The following KLRD1 variants were observed in gnomAD, a reference collection of about 807,000 sequenced individuals.
The protein encoded by KLRD1 is natural killer cells antigen CD94.
In KLRD1, 21 loss-of-function variants were observed where a neutral mutation model predicts 22.6. The observed-to-expected ratio is 0.93, with a 90% CI of 0.66 to 1.34. The LOEUF is 1.34. KLRD1 is among the 40% of genes most tolerant of loss of function. The pLI, the probability that KLRD1 is intolerant of heterozygous loss-of-function variation, is 0.00. For missense variants in KLRD1, 183 were observed against 208.6 expected (o/e 0.88, Z 0.76); for synonymous variants, 59 against 71.1 (o/e 0.83, Z 0.85).
At position 10,314,774 on chromosome 12, in the gene KLRD1, G is replaced by GT. The variant is rs1392963538; in HGVS notation, c.522dup (p.Lys175Ter). ...TGTGAAGATAAAAATCGTTATATCT[G>GT]TAAGCAACAGCTCATTTAAATGTTT... On this transcript the variant is annotated frameshift_variant, in exon 6 of 6. Coordinates refer to ENST00000336164, the MANE Select transcript of KLRD1 (RefSeq NM_002262.5). LOFTEE classifies it high-confidence loss of function. The GT allele has an allele frequency of 3.1e-6, 5 of 1,606,044 alleles. No individual in the cohort carries two copies. In the African/African-American group the frequency reaches 6.7e-5, roughly 22 times the overall value.
intron 1 of KLRD1, among the ~76,000 whole-genome samples, chr12:10,287,436 A>T (rs1165044000): frequency 6.6e-6 from 1 of 152,224 alleles, no homozygotes; most frequent in African/African-American, 2.4e-5. Flanking sequence ...TTATACAAAT[A>T]ATGAGAGCAT....
At chr12:10,277,882 A>G (rs1017695710) in intron 1 of KLRD1, among the ~76,000 whole-genome samples, 1 of 152,234 alleles carries the variant, frequency 6.6e-6, no homozygotes, top group African/African-American at 2.4e-5. Flanking sequence ...GAGAATGTGG[A>G]CATCTGTATT....
intron 1 of KLRD1, among the ~76,000 whole-genome samples, chr12:10,258,210 T>TGTA (rs1396244153): frequency 2.0e-5 from 3 of 151,618 alleles, no homozygotes; most frequent in Non-Finnish European, 4.4e-5. Context: ...ATTTCTTTTC[T>TGTA]GTAGTACAAT....
At chr12:10,281,580 C>G (rs1215241695) in intron 1 of KLRD1, among the ~76,000 whole-genome samples, 6 of 152,090 alleles carry the variant, frequency 3.9e-5, no homozygotes, top group Non-Finnish European at 7.3e-5. Context: ...GGGATGTATC[C>G]AAGAACCCCC....
chr12:10,298,101 C>T (rs926854156), intron 1 of KLRD1, among the ~76,000 whole-genome samples: 1 of 152,082 alleles, frequency 6.6e-6, no homozygotes, highest in Non-Finnish European at 1.5e-5. Context: ...TCTAATAGTA[C>T]ATTTCAGGTG....
intron 1 of KLRD1, among the ~76,000 whole-genome samples, chr12:10,271,422 A>C (rs1371541977): frequency 6.6e-6 from 1 of 152,226 alleles, no homozygotes; most frequent in Non-Finnish European, 1.5e-5. Context: ...TTAACAGAGC[A>C]CTGTAGGTTA....
chr12:10,297,981 T>A (rs1949836611), intron 1 of KLRD1, among the ~76,000 whole-genome samples: 1 of 152,228 alleles, frequency 6.6e-6, no homozygotes, highest in Non-Finnish European at 1.5e-5. Context: ...CCCTGATCAA[T>A]CCAGAAAACA....
chr12:10,256,437 TTTTTTG>T (rs1949396401), intron 1 of KLRD1, among the ~76,000 whole-genome samples: 4 of 106,068 alleles, frequency 3.8e-5, no homozygotes, highest in Non-Finnish European at 6.5e-5. Context: ...TTTTTTTTTT[TTTTTTG>T]TAGAGACACA....
At chr12:10,290,830 CAT>C (rs138070991) in intron 1 of KLRD1, among the ~76,000 whole-genome samples, 7 of 151,418 alleles carry the variant, frequency 4.6e-5, no homozygotes, top group Non-Finnish European at 7.4e-5. Flanking sequence ...CATAAAATGA[CAT>C]ATATATATAT....
At chr12:10,261,667 G>A (rs1949455485) in intron 1 of KLRD1, among the ~76,000 whole-genome samples, 3 of 152,094 alleles carry the variant, frequency 2.0e-5, no homozygotes, top group Admixed American at 2.0e-4. Flanking sequence ...AAAGCATAAT[G>A]ACTATGTTCC....
chr12:10,243,607 C>CAAAAAAA (rs34864670), intron 1 of KLRD1, among the ~76,000 whole-genome samples: 2 of 28,804 alleles, frequency 6.9e-5, no homozygotes, highest in African/African-American at 4.1e-4. Context: ...AGTGAGACTC[C>CAAAAAAA]AAAAAAAAAA....
At chr12:10,309,140 CT>C in intron 1 of KLRD1, 1 of 334,420 alleles carries the variant, frequency 3.0e-6, no homozygotes, top group Non-Finnish European at 5.4e-6. Flanking sequence ...GGTAAATTCA[CT>C]TTACTGCAAC....
At chr12:10,312,819 C>G (rs1950121006) in intron 4 of KLRD1, among the ~76,000 whole-genome samples, 1 of 151,252 alleles carries the variant, frequency 6.6e-6, no homozygotes, top group African/African-American at 2.4e-5. Context: ...AACCACGTCT[C>G]TACTAAAAAT....
chr12:10,309,495 G>A lies in KLRD1; in HGVS notation c.100+15G>A, dbSNP rs1312685596. 7.2e-7 allele frequency: 1 copy of A among 1,379,324 alleles called. No individual in the cohort carries two copies. The highest frequency in any genetic ancestry group is 1.0e-6 in the Non-Finnish European group (1 of 966,212). The allele number at this position is 1,379,324 out of a possible 1,614,324, so 85.4% of individuals were successfully genotyped here. ...GTTGAAAAATTGTAAGTTTTTCTAA[G>A]CAAGTCTCCATAAAAATCAAAACTG... is the stretch of plus-strand genomic sequence containing the variant. On this transcript the variant is annotated intron_variant, in intron 2 of 5. Coordinates refer to ENST00000336164, the MANE Select transcript of KLRD1 (RefSeq NM_002262.5).
rs1407332448 is a variant in KLRD1 at position 10,321,952 on chromosome 12, T to G, written c.*7159T>G. 6.6e-6 allele frequency: 1 copy of G among 152,232 alleles called. No homozygotes were observed. Among genetic ancestry groups the G allele is most frequent in the Non-Finnish European group, 1.5e-5 (1 of 68,056 alleles). 9.4% of individuals were successfully genotyped at this position (152,232 alleles called of 1,614,324 possible). A position where few individuals can be genotyped will look rare whatever the true frequency, so the allele number is the denominator to read the frequency against. ...CCTCAGAAACTGTGAAGTGAAATAT[T>G]TTGTTGTTTTAAGCTTACGAGTTTG... On this transcript the variant is annotated 3_prime_UTR_variant, in exon 6 of 6. Coordinates refer to ENST00000336164, the MANE Select transcript of KLRD1 (RefSeq NM_002262.5).
At chr12:10,290,057 G>A (rs1398681512) in intron 1 of KLRD1, among the ~76,000 whole-genome samples, 3 of 152,174 alleles carry the variant, frequency 2.0e-5, no homozygotes, top group East Asian at 1.9e-4. Context: ...GATTACAGGC[G>A]TGAGCCACCC....
chr12:10,302,890 C>T (rs553450070), upstream of KLRD1, among the ~76,000 whole-genome samples: 1 of 152,324 alleles, frequency 6.6e-6, no homozygotes, highest in Admixed American at 6.5e-5. Context: ...TACACCTACA[C>T]TTTAGCAGAG....
At position 10,319,865 on chromosome 12, in the gene KLRD1, C is replaced by CTT. The variant is rs750763577; in HGVS notation, c.*5091_*5092dup. On this transcript the variant is annotated 3_prime_UTR_variant, in exon 6 of 6. Coordinates refer to ENST00000336164, the MANE Select transcript of KLRD1 (RefSeq NM_002262.5). ...TGTGTGAAATAGTAAAGTGTTTATT[C>CTT]TTTTTTTTTTTTTTTTTTTTGACAG... 0.24 allele frequency: 28,515 copies of CTT among 116,770 alleles called. 4,371 individuals carry two copies. Among genetic ancestry groups the CTT allele is most frequent in the Non-Finnish European group, 0.32 (18,556 of 57,582 alleles). The allele number at this position is 116,770 out of a possible 1,614,324, so 7.2% of individuals were successfully genotyped here. A position where few individuals can be genotyped will look rare whatever the true frequency, so the allele number is the denominator to read the frequency against.
At chr12:10,285,904 A>T (rs187610542) in intron 1 of KLRD1, among the ~76,000 whole-genome samples, 5 of 152,342 alleles carry the variant, frequency 3.3e-5, no homozygotes, top group African/African-American at 1.2e-4. Flanking sequence ...GATCAGCCAC[A>T]TCCATGCTTG....
Sources: gnomAD v4.1 joint callset for allele counts (sites outside exome capture counted in the v4.1 genomes callset) on GRCh38, gnomAD v4.1.1 for gene constraint, MANE v1.5 for transcripts, NCBI Gene and HGNC (gene_info 2026-07-23, HGNC 2026-07-21) for gene names.